The following GOLGA8B variants were observed in gnomAD, a reference collection of about 807,000 sequenced individuals.
GOLGA8B encodes the protein golgin A8 family member B, also known as golgin subfamily A member 8B.
GOLGA8B carries 1 observed loss-of-function variant against 15.6 expected under a neutral mutation model. The observed-to-expected ratio is 0.06, with a 90% CI of 0.02 to 0.30. The LOEUF is 0.30. GOLGA8B is among the 10% of genes least tolerant of loss of function. The probability of loss-of-function intolerance (pLI) is 1.00; values close to 1 mark genes in which losing one functional copy is unlikely to be tolerated. For synonymous variants in GOLGA8B, 9 were observed against 80.3 expected (o/e 0.11, Z 4.75); for missense variants, 17 against 201.3 (o/e 0.08, Z 5.54).
intron 4 of GOLGA8B, among the ~76,000 whole-genome samples, chr15:34,548,903 T>A (rs1174314175): frequency 2.9e-3 from 26 of 8,872 alleles, no homozygotes; most frequent in Non-Finnish European, 5.5e-3. Context: ...CCTCCCACCA[T>A]CCATAGTAGC....
At chr15:34,569,605 TAAG>T (rs1168618565) in intron 1 of GOLGA8B, among the ~76,000 whole-genome samples, 19 of 151,966 alleles carry the variant, frequency 1.3e-4, no homozygotes, top group Middle Eastern at 3.4e-3. Flanking sequence ...CTTTATCTCA[TAAG>T]ATGAGAAAAT....
At position 34,564,984 on chromosome 15, in the gene GOLGA8B, C is replaced by G. The variant is rs368204433; in HGVS notation, c.-1122-11028G>C. 2.1e-5 allele frequency among the ~76,000 whole-genome samples: 3 copies of G among 143,922 alleles called. 1 individual carries two copies. The highest frequency in any genetic ancestry group is 7.4e-5 in the African/African-American group (3 of 40,468). 94.4% of individuals were successfully genotyped at this position (143,922 alleles called of 152,430 possible). A position where few individuals can be genotyped will look rare whatever the true frequency, so the allele number is the denominator to read the frequency against. ...ATGAATTAAGGGGCTGGAAAACTGGCAGCAGGACGGCCTGTGCCCATGTTT... is the reference window on the plus strand; with the variant it reads ...ATGAATTAAGGGGCTGGAAAACTGGGAGCAGGACGGCCTGTGCCCATGTTT... On this transcript the variant is annotated intron_variant, in intron 1 of 23. Coordinates refer to ENST00000683415, the MANE Select transcript of GOLGA8B (RefSeq NM_001023567.5).
chr15:34,580,872 T>TTACACCC (rs1449330511), intron 1 of GOLGA8B, among the ~76,000 whole-genome samples: 1 of 152,136 alleles, frequency 6.6e-6, no homozygotes, highest in Non-Finnish European at 1.5e-5. Flanking sequence ...AGTGGCTACC[T>TTACACCC]TACACCCTAC....
chr15:34,576,617 A>AG (rs1265347051), intron 1 of GOLGA8B, among the ~76,000 whole-genome samples: 1 of 152,232 alleles, frequency 6.6e-6, no homozygotes, highest in East Asian at 1.9e-4. Context: ...CACTTCTAGT[A>AG]GGAGCTGTGG....
chr15:34,579,997 T>C (rs567900259), intron 1 of GOLGA8B, among the ~76,000 whole-genome samples: 12 of 152,192 alleles, frequency 7.9e-5, no homozygotes, highest in Middle Eastern at 6.8e-3. Context: ...TAACGCTAAT[T>C]TATGCAGGGC....
intron 1 of GOLGA8B, among the ~76,000 whole-genome samples, chr15:34,580,168 G>A (rs1269661832): frequency 6.6e-6 from 1 of 152,176 alleles, no homozygotes; most frequent in Non-Finnish European, 1.5e-5. Context: ...ATTCAGTTAG[G>A]ATCTCCGGGA....
At chr15:34,582,815 C>G (rs1889277408) in intron 1 of GOLGA8B, 1 of 152,246 alleles carries the variant, frequency 6.6e-6, no homozygotes, top group African/African-American at 2.4e-5. Context: ...TCTCCTTCAC[C>G]ATCTGCGGCC....
chr15:34,576,001 G>A (rs73381958), intron 1 of GOLGA8B, among the ~76,000 whole-genome samples: 1 of 152,248 alleles, frequency 6.6e-6, no homozygotes, highest in African/African-American at 2.4e-5. Flanking sequence ...GCTCCCGGTT[G>A]TACCACTGCA....
At chr15:34,576,468 C>T (rs1889084873) in intron 1 of GOLGA8B, among the ~76,000 whole-genome samples, 1 of 152,230 alleles carries the variant, frequency 6.6e-6, no homozygotes, top group Non-Finnish European at 1.5e-5. Context: ...CAACACAGCA[C>T]AAAGACGTCT....
intron 1 of GOLGA8B, among the ~76,000 whole-genome samples, chr15:34,580,948 G>A (rs1566937482): frequency 1.3e-5 from 2 of 152,204 alleles, no homozygotes; most frequent in Non-Finnish European, 2.9e-5. Context: ...ACTGGGTTGA[G>A]GACACACAGC....
At chr15:34,579,458 C>T (rs1889170437) in intron 1 of GOLGA8B, among the ~76,000 whole-genome samples, 1 of 152,144 alleles carries the variant, frequency 6.6e-6, no homozygotes, top group Non-Finnish European at 1.5e-5. Context: ...TGCAGGGAGA[C>T]GCAGCGCTGA....
intron 1 of GOLGA8B, among the ~76,000 whole-genome samples, chr15:34,571,083 T>C (rs1012965902): frequency 6.7e-6 from 1 of 148,730 alleles, no homozygotes; most frequent in African/African-American, 2.5e-5. Context: ...CCCAGAACTT[T>C]GGGAGGCCAA....
intron 1 of GOLGA8B, among the ~76,000 whole-genome samples, chr15:34,572,682 A>C (rs1369240225): frequency 6.6e-6 from 1 of 152,250 alleles, no homozygotes; most frequent in Non-Finnish European, 1.5e-5. Context: ...TGAATGGGGC[A>C]GTGGTGAAGT....
rs571448074 is a variant in GOLGA8B at position 34,583,622 on chromosome 15, C to T, written c.-1229G>A. ...TGAGAGCCCGCACGTAGCGGCACAC[C>T]GCGACTGCTAATTAGCCCGGAAGCT... is the stretch of plus-strand genomic sequence containing the variant. On this transcript the variant is annotated 5_prime_UTR_variant, in exon 1 of 24. Coordinates refer to ENST00000683415, the MANE Select transcript of GOLGA8B (RefSeq NM_001023567.5). 20 of 152,308 alleles carry T rather than the reference C, an allele frequency of 1.3e-4. No homozygotes were observed. The highest frequency in any genetic ancestry group is 4.8e-4 in the African/African-American group (20 of 41,564). 9.4% of individuals were successfully genotyped at this position (152,308 alleles called of 1,614,324 possible).
At chr15:34,572,899 T>C (rs986064287) in intron 1 of GOLGA8B, among the ~76,000 whole-genome samples, 1 of 152,090 alleles carries the variant, frequency 6.6e-6, no homozygotes, top group Non-Finnish European at 1.5e-5. Flanking sequence ...GCCAGAAAAA[T>C]GGCAGCTTTC....
At chr15:34,575,137 C>T (rs1456420034) in intron 1 of GOLGA8B, among the ~76,000 whole-genome samples, 2 of 148,078 alleles carry the variant, frequency 1.4e-5, no homozygotes, top group Non-Finnish European at 3.0e-5. Flanking sequence ...TAAAATAAAA[C>T]GTCCGCACTA....
rs1376214191 is a variant in GOLGA8B at position 34,525,594 on chromosome 15, C to G, written c.*2038G>C. On this transcript the variant is annotated 3_prime_UTR_variant, in exon 24 of 24. Transcript: ENST00000683415. ...AAATATTTATATTATTTTAAAATGACTCTTTAGGATACAGTTTTAAACCCA... is the reference window on the plus strand; with the variant it reads ...AAATATTTATATTATTTTAAAATGAGTCTTTAGGATACAGTTTTAAACCCA... The G allele has an allele frequency of 6.7e-6, 1 of 149,644 alleles. No individual in the cohort carries two copies. The highest frequency in any genetic ancestry group is 1.5e-5 in the Non-Finnish European group (1 of 67,210). 9.3% of individuals were successfully genotyped at this position (149,644 alleles called of 1,614,324 possible). A position where few individuals can be genotyped will look rare whatever the true frequency, so the allele number is the denominator to read the frequency against.
rs1423182172 is a variant in GOLGA8B at position 34,526,009 on chromosome 15, C to T, written c.*1623G>A. On this transcript the variant is annotated 3_prime_UTR_variant, in exon 24 of 24. Transcript: ENST00000683415. ...ATGAAGTTTTAACTGTTGATTCTTT[C>T]CCAAGCATCATCAAGTTATGATTTA... The T allele has an allele frequency of 2.0e-5, 3 of 149,330 alleles. No homozygotes were observed. The highest frequency in any genetic ancestry group is 7.4e-5 in the African/African-American group (3 of 40,344). The allele number at this position is 149,330 out of a possible 1,614,324, so 9.3% of individuals were successfully genotyped here.
chr15:34,583,049 CG>C (rs1296545521), intron 1 of GOLGA8B, among the ~76,000 whole-genome samples: 2 of 152,126 alleles, frequency 1.3e-5, no homozygotes, highest in Non-Finnish European at 2.9e-5. Context: ...CGGGTTCTCC[CG>C]GGGAAGCGAA....
Sources: gnomAD v4.1 joint callset for allele counts (sites outside exome capture counted in the v4.1 genomes callset) on GRCh38, gnomAD v4.1.1 for gene constraint, MANE v1.5 for transcripts, NCBI Gene and HGNC (gene_info 2026-07-23, HGNC 2026-07-21) for gene names.